ASTN2: variants seen among roughly 807,000 people sequenced by gnomAD.
The protein encoded by ASTN2 is astrotactin 2, also known as astrotactin-2.
Under a neutral mutation model 139.8 loss-of-function variants are expected in ASTN2, and 54 were observed. That is an observed-to-expected ratio of 0.39 (90% CI 0.31 to 0.48). The LOEUF is 0.48. Among genes scored for constraint, ASTN2 ranks in the 20% least tolerant of loss-of-function variants. ASTN2 has a pLI of 0.95. For missense variants in ASTN2, 1,565 were observed against 1,725.1 expected (o/e 0.91, Z 1.64); for synonymous variants, 756 against 719.5 (o/e 1.05, Z -0.81).
At chr9:117,392,418 T>C (rs979928086) in intron 1 of ASTN2, among the ~76,000 whole-genome samples, 2 of 152,328 alleles carry the variant, frequency 1.3e-5, no homozygotes, top group Non-Finnish European at 1.5e-5. Context: ...CAAAGGTTAC[T>C]AGCTTATTTT....
intron 19 of ASTN2, among the ~76,000 whole-genome samples, chr9:116,586,814 A>ACC (rs1854164259): frequency 2.7e-5 from 2 of 74,834 alleles, no homozygotes; most frequent in African/African-American, 6.1e-5. Flanking sequence ...GTTGAAATTC[A>ACC]CACACACACA....
chr9:116,957,214 C>G (rs769019592), intron 10 of ASTN2, among the ~76,000 whole-genome samples: 1 of 152,022 alleles, frequency 6.6e-6, no homozygotes, highest in Non-Finnish European at 1.5e-5. Context: ...TTTCTCTCTA[C>G]GAATACATGT....
At chr9:117,089,017 C>T (rs1828637365) in intron 5 of ASTN2, among the ~76,000 whole-genome samples, 1 of 152,170 alleles carries the variant, frequency 6.6e-6, no homozygotes, top group Non-Finnish European at 1.5e-5. Flanking sequence ...GCAACGCTTC[C>T]CTGTGTGAGT....
At chr9:116,740,777 G>C (rs1487182113) in intron 13 of ASTN2, among the ~76,000 whole-genome samples, 2 of 151,706 alleles carry the variant, frequency 1.3e-5, no homozygotes, top group Non-Finnish European at 2.9e-5. Flanking sequence ...GCCTCTCAAA[G>C]TGCTGGGATT....
At chr9:116,742,825 G>A (rs979439392) in intron 13 of ASTN2, among the ~76,000 whole-genome samples, 13 of 152,180 alleles carry the variant, frequency 8.5e-5, no homozygotes, top group Admixed American at 4.6e-4. Flanking sequence ...TAACTCCTTC[G>A]CTCCCATGGT....
chr9:116,933,103 G>C (rs1358872181), intron 10 of ASTN2, among the ~76,000 whole-genome samples: 1 of 151,556 alleles, frequency 6.6e-6, no homozygotes, highest in African/African-American at 2.4e-5. Flanking sequence ...TCATGTAGAA[G>C]CAGGCTCTAT....
chr9:116,978,470 ATCTC>A (rs147901303), intron 7 of ASTN2, among the ~76,000 whole-genome samples: 54 of 141,708 alleles, frequency 3.8e-4, no homozygotes, highest in Admixed American at 1.2e-3. Flanking sequence ...CTCTGTATGT[ATCTC>A]TCTCTCTCTC....
At chr9:116,493,592 C>G (rs1349426189) in intron 19 of ASTN2, among the ~76,000 whole-genome samples, 1 of 152,082 alleles carries the variant, frequency 6.6e-6, no homozygotes, top group Admixed American at 6.5e-5. Flanking sequence ...GGCCCCACCC[C>G]CTATTCCTCA....
At chr9:116,890,343 C>T (rs3843825) in intron 10 of ASTN2, among the ~76,000 whole-genome samples, 41,058 of 152,122 alleles carry the variant, frequency 0.27, 6,529 homozygotes, top group East Asian at 0.49. Flanking sequence ...CGCAGATGAT[C>T]GGCTGCCTGG....
At chr9:117,041,349 T>C (rs992011923) in intron 5 of ASTN2, among the ~76,000 whole-genome samples, 1 of 152,130 alleles carries the variant, frequency 6.6e-6, no homozygotes, top group African/African-American at 2.4e-5. Context: ...GTCAAATATA[T>C]TAATAACACG....
rs188430416 is a variant in ASTN2, at chr9:116,573,656, T to C, written c.3355+44668A>G. ...TTTGTTTGCTTTTGCTTTTGTGTGT[T>C]TGTTTTAGTTAATCTCTTTGGATCT... is the stretch of plus-strand genomic sequence containing the variant. On this transcript the variant is annotated intron_variant, in intron 19 of 22. Coordinates refer to ENST00000313400, the MANE Select transcript of ASTN2 (RefSeq NM_001365068.1). Among the ~76,000 whole-genome samples, 9 of 152,344 alleles carry C rather than the reference T, an allele frequency of 5.9e-5. No individual in the cohort carries two copies. The East Asian group carries it at 1.7e-3, about 29-fold the overall frequency.
At chr9:117,142,996 G>C (rs1235820849) in intron 3 of ASTN2, among the ~76,000 whole-genome samples, 3 of 152,174 alleles carry the variant, frequency 2.0e-5, no homozygotes, top group African/African-American at 7.2e-5. Context: ...GAAGGCTCCT[G>C]AACAACCCAG....
At chr9:116,919,493 C>T (rs1229518938) in intron 10 of ASTN2, among the ~76,000 whole-genome samples, 1 of 152,132 alleles carries the variant, frequency 6.6e-6, no homozygotes, top group Non-Finnish European at 1.5e-5. Context: ...TGGACAAATA[C>T]TGCAGCCTCT....
chr9:117,266,902 C>T (rs1443794388), intron 2 of ASTN2, among the ~76,000 whole-genome samples: 1 of 152,118 alleles, frequency 6.6e-6, no homozygotes, highest in African/African-American at 2.4e-5. Context: ...AGCTTTCCTT[C>T]TAGGAGGTGG....
chr9:117,018,320 G>A (rs1457708845), intron 6 of ASTN2, among the ~76,000 whole-genome samples: 1 of 152,162 alleles, frequency 6.6e-6, no homozygotes, highest in East Asian at 1.9e-4. Context: ...TTTTGTATGA[G>A]ATGTGCTTCC....
intron 1 of ASTN2, among the ~76,000 whole-genome samples, chr9:117,365,007 C>T (rs1399430840): frequency 7.3e-6 from 1 of 137,916 alleles, no homozygotes; most frequent in East Asian, 2.3e-4. Flanking sequence ...ACAAAATCAG[C>T]CATGCATTAT....
chr9:117,162,276 C>T (rs556438633), intron 3 of ASTN2, among the ~76,000 whole-genome samples: 2 of 152,166 alleles, frequency 1.3e-5, no homozygotes, highest in African/African-American at 2.4e-5. Flanking sequence ...AGTGCCTGCT[C>T]TCTTGGCAAG....
In ASTN2 at chr9:116,618,406, C is replaced by A; in HGVS notation, c.3273G>T (p.Gln1091His). 1 of 1,614,178 alleles carries A rather than the reference C, an allele frequency of 6.2e-7. No homozygotes were observed. The highest frequency in any genetic ancestry group is 2.2e-5 in the East Asian group (1 of 44,888). The change falls in exon 19 of 23, where the codon CAG (glutamine) becomes CAT (histidine). Residue 1091 changes from glutamine to histidine, a missense_variant. Transcript: ENST00000313400. ...TVVSLEWVDV[Q>H]PAIGTKVSDY... Reference sequence around the variant, plus strand: ...CGGAGACCTTGGTCCCAATAGCTGGCTGAACATCCACCCACTCCAAGGAGA... The same window carrying A: ...CGGAGACCTTGGTCCCAATAGCTGGATGAACATCCACCCACTCCAAGGAGA...
At chr9:116,814,353 G>A (rs1831253064) in intron 12 of ASTN2, among the ~76,000 whole-genome samples, 2 of 152,226 alleles carry the variant, frequency 1.3e-5, no homozygotes, top group South Asian at 4.2e-4. Flanking sequence ...ATCAGAGGAG[G>A]TGTTCTCTGA....
Sources: allele counts gnomAD v4.1 joint callset (sites outside exome capture counted in the v4.1 genomes callset), GRCh38; gene constraint gnomAD v4.1.1; transcripts MANE v1.5; gene names NCBI Gene and HGNC (gene_info 2026-07-23, HGNC 2026-07-21).